PITPNC1: variants seen among roughly 807,000 people sequenced by gnomAD.
PITPNC1 encodes the protein cytoplasmic phosphatidylinositol transfer protein 1.
A neutral mutation model predicts 44.7 loss-of-function variants in PITPNC1; 18 were observed. The ratio of observed to expected loss-of-function variants is 0.40; its 90% CI spans 0.28 to 0.60. The LOEUF (loss-of-function observed/expected upper bound fraction) is 0.60, where lower values mean the gene tolerates loss of function less well. PITPNC1 is among the 20% of genes least tolerant of loss of function. The pLI, the probability that PITPNC1 is intolerant of heterozygous loss-of-function variation, is 0.39. For missense variants in PITPNC1, 290 were observed against 418.4 expected, an observed-to-expected ratio of 0.69 and a Z score of 2.68; for synonymous variants, 141 against 149.6, an observed-to-expected ratio of 0.94 and a Z score of 0.42.
chr17:67,494,218 TGAGACG>T (rs2039910588), intron 1 of PITPNC1, among the ~76,000 whole-genome samples: 1 of 150,858 alleles, frequency 6.6e-6, no homozygotes, highest in African/African-American at 2.5e-5. Flanking sequence ...TCTTTCTTTT[TGAGACG>T]TAGTCTTGCT....
intron 1 of PITPNC1, among the ~76,000 whole-genome samples, chr17:67,386,709 G>C (rs929384415): frequency 1.3e-5 from 2 of 152,146 alleles, no homozygotes; most frequent in Non-Finnish European, 2.9e-5. Context: ...GAGTGAGATC[G>C]CAGCACCCTG....
chr17:67,605,080 AAATAAAATAAAATAAAACAAAAC>A (rs1343306723), intron 5 of PITPNC1, among the ~76,000 whole-genome samples: 1 of 152,196 alleles, frequency 6.6e-6, no homozygotes, highest in Admixed American at 6.5e-5. Context: ...TTCTGTCTCA[AAATAAAATAAAATAAAACAAAAC>A]AATAAAATAA....
chr17:67,687,040 G>A (rs370608381), intron 8 of PITPNC1: 2 of 1,329,408 alleles, frequency 1.5e-6, no homozygotes, highest in African/African-American at 2.9e-5. Flanking sequence ...AATAACGGAA[G>A]TTGCCAACAT....
intron 1 of PITPNC1, among the ~76,000 whole-genome samples, chr17:67,471,208 A>C (rs1288332210): frequency 3.6e-5 from 4 of 111,610 alleles, no homozygotes; most frequent in Non-Finnish European, 5.3e-5. Context: ...ATAAAAAAAT[A>C]AATTAAAAAA....
At chr17:67,594,540 C>T (rs954838557) in intron 5 of PITPNC1, among the ~76,000 whole-genome samples, 1 of 152,160 alleles carries the variant, frequency 6.6e-6, no homozygotes, top group Non-Finnish European at 1.5e-5. Context: ...CTGGTGCAAG[C>T]AGCAGACCCT....
At chr17:67,390,728 T>C (rs1169361038) in intron 1 of PITPNC1, among the ~76,000 whole-genome samples, 2 of 152,144 alleles carry the variant, frequency 1.3e-5, no homozygotes, top group Non-Finnish European at 2.9e-5. Flanking sequence ...GGCGTATTGC[T>C]AGAGGAGAGC....
At chr17:67,531,345 A>G (rs2040458798) in intron 1 of PITPNC1, among the ~76,000 whole-genome samples, 1 of 152,212 alleles carries the variant, frequency 6.6e-6, no homozygotes. Flanking sequence ...GTGCACACAC[A>G]CAGGTACGTG....
chr17:67,392,249 CAG>C (rs1480506392), intron 1 of PITPNC1, among the ~76,000 whole-genome samples: 1 of 152,150 alleles, frequency 6.6e-6, no homozygotes, highest in Non-Finnish European at 1.5e-5. Context: ...TAAAAATGAT[CAG>C]AGTGTACTAT....
chr17:67,434,804 A>T (rs2143904877), intron 1 of PITPNC1, among the ~76,000 whole-genome samples: 1 of 61,340 alleles, frequency 1.6e-5, no homozygotes, highest in African/African-American at 6.2e-5. Flanking sequence ...CCTCAAAAAA[A>T]AAAAAAAAAT....
At chr17:67,669,098 G>C (rs892584625) in intron 6 of PITPNC1, among the ~76,000 whole-genome samples, 1 of 151,304 alleles carries the variant, frequency 6.6e-6, no homozygotes, top group African/African-American at 2.4e-5. Flanking sequence ...TCTACTTTCT[G>C]TCTCTATGTT....
At chr17:67,502,001 A>C (rs2040036816) in intron 1 of PITPNC1, among the ~76,000 whole-genome samples, 1 of 152,252 alleles carries the variant, frequency 6.6e-6, no homozygotes, top group Admixed American at 6.5e-5. Flanking sequence ...AACGAGGATT[A>C]AATGAGCTAT....
intron 2 of PITPNC1, among the ~76,000 whole-genome samples, chr17:67,543,437 T>A (rs2144147933): frequency 6.6e-6 from 1 of 152,360 alleles, no homozygotes; most frequent in East Asian, 1.9e-4. Context: ...CCACCAGGAA[T>A]GCAATAGGGC....
intron 1 of PITPNC1, among the ~76,000 whole-genome samples, chr17:67,510,501 C>T (rs1371878962): frequency 6.6e-6 from 1 of 152,202 alleles, no homozygotes; most frequent in Non-Finnish European, 1.5e-5. Context: ...CTTCAGAAGC[C>T]TCTCTAATGC....
chr17:67,465,762 C>T (rs2039417623), intron 1 of PITPNC1, among the ~76,000 whole-genome samples: 1 of 152,226 alleles, frequency 6.6e-6, no homozygotes, highest in African/African-American at 2.4e-5. Flanking sequence ...TGGAAATTCT[C>T]TTCCTGGGAT....
intron 1 of PITPNC1, among the ~76,000 whole-genome samples, chr17:67,452,204 TCTCA>T (rs2039189874): frequency 6.6e-6 from 1 of 150,616 alleles, no homozygotes; most frequent in South Asian, 2.1e-4. Context: ...TAGACGGGGG[TCTCA>T]CTATGTTTCC....
At chr17:67,433,037 G>C (rs2038879263) in intron 1 of PITPNC1, among the ~76,000 whole-genome samples, 1 of 152,076 alleles carries the variant, frequency 6.6e-6, no homozygotes, top group Non-Finnish European at 1.5e-5. Flanking sequence ...ACAGCGAGTG[G>C]GGGTGGGGAG....
chr17:67,518,841 G>A (rs2040290409), intron 1 of PITPNC1, among the ~76,000 whole-genome samples: 1 of 152,300 alleles, frequency 6.6e-6, no homozygotes, highest in African/African-American at 2.4e-5. Flanking sequence ...TACTCCAGAT[G>A]CTGAAGTGGG....
intron 6 of PITPNC1, among the ~76,000 whole-genome samples, chr17:67,656,521 A>G (rs1003502269): frequency 3.9e-5 from 6 of 152,204 alleles, no homozygotes; most frequent in African/African-American, 1.4e-4. Flanking sequence ...TCACGTTCAT[A>G]GATAGATACT....
At chr17:67,561,243 G>A (rs1474139414) in intron 4 of PITPNC1, among the ~76,000 whole-genome samples, 1 of 152,212 alleles carries the variant, frequency 6.6e-6, no homozygotes, top group Non-Finnish European at 1.5e-5. Context: ...ATCACTTGAG[G>A]TCAGGAGTTC....
Sources: gnomAD v4.1 joint callset for allele counts (sites outside exome capture counted in the v4.1 genomes callset) on GRCh38, gnomAD v4.1.1 for gene constraint, MANE v1.5 for transcripts, NCBI Gene and HGNC (gene_info 2026-07-23, HGNC 2026-07-21) for gene names.